Variants in KNDC1 observed in about 807,000 individuals in gnomAD.
KNDC1 encodes the protein kinase non-catalytic C-lobe domain-containing protein 1.
Under a neutral mutation model 172.8 loss-of-function variants are expected in KNDC1, and 106 were observed. The ratio of observed to expected loss-of-function variants is 0.61; its 90% CI spans 0.52 to 0.72. The LOEUF is 0.72. Among genes scored for constraint, KNDC1 ranks in the 30% least tolerant of loss-of-function variants. The pLI, the probability that KNDC1 is intolerant of heterozygous loss-of-function variation, is 0.00. For missense variants in KNDC1, 2,325 were observed against 2,394.5 expected (o/e 0.97, Z 0.61); for synonymous variants, 1,083 against 1,062.2 (o/e 1.02, Z -0.38).
rs1438141626 is a variant in KNDC1 at position 133,211,815 on chromosome 10, A to G, written c.4193A>G (p.Asn1398Ser). The G allele has an allele frequency of 5.6e-6, 9 of 1,609,822 alleles. No individual in the cohort carries two copies. Among genetic ancestry groups the G allele is most frequent in the Non-Finnish European group, 7.6e-6 (9 of 1,179,110 alleles). The change falls in exon 23 of 30, where the codon AAC (asparagine) becomes AGC (serine). Residue 1398 changes from asparagine (N) to serine (S), a missense_variant. Asn to Ser is a conservative substitution (Grantham distance 46, BLOSUM62 1). Coordinates refer to ENST00000304613, the MANE Select transcript of KNDC1 (RefSeq NM_152643.8). Reference protein sequence around the residue: ...REAEEDARPFNALCKRLSEDG... With the variant: ...REAEEDARPFSALCKRLSEDG... ...GCCGAGGAGGATGCCAGACCCTTCA[A>G]CGCCCTCTGTAAGAGGCTCTCAGAG...
chr10:133,186,184 C>T lies in KNDC1; in HGVS notation c.836C>T (p.Ala279Val). 3 of 1,571,254 alleles carry T rather than the reference C, an allele frequency of 1.9e-6. No individual in the cohort carries two copies. Among genetic ancestry groups the T allele is most frequent in the Non-Finnish European group, 8.6e-7 (1 of 1,158,738 alleles). The change falls in exon 6 of 30, where the codon GCC becomes GTC. Residue 279 changes from alanine to valine, a missense_variant. Physicochemically the swap from Ala to Val is moderately conservative, Grantham distance 64. Coordinates refer to ENST00000304613, the MANE Select transcript of KNDC1 (RefSeq NM_152643.8). The part of the protein sequence containing the change: ...NGESHSREGL[A>V]GLVLDAERTL... ...GAGAGCCACAGCCGGGAGGGGCTGG[C>T]CGGCCTCGTCCTGGATGCCGAGCGC...
At chr10:133,210,915 G>T (rs1030908263) in intron 21 of KNDC1, among the ~76,000 whole-genome samples, 191 bp downstream of exon 21, 1 of 152,204 alleles carries the variant, frequency 6.6e-6, no homozygotes, top group African/African-American at 2.4e-5. Flanking sequence ...AAAGCAGCTG[G>T]GGCAGGAGGG....
At chr10:133,176,197 TG>T (rs1029617685) in intron 3 of KNDC1, among the ~76,000 whole-genome samples, 3 of 150,428 alleles carry the variant, frequency 2.0e-5, no homozygotes, top group African/African-American at 7.3e-5. Context: ...GGTGGGTGGA[TG>T]TGTGGAGGAT....
At position 133,185,694 on chromosome 10, in the gene KNDC1, A is replaced by AGTGG. The variant is rs1354713436; in HGVS notation, c.626-279_626-278insTGGG. 1.1e-3 allele frequency among the ~76,000 whole-genome samples: 168 copies of AGTGG among 151,102 alleles called. 1 individual carries two copies. Among genetic ancestry groups the AGTGG allele is most frequent in the Non-Finnish European group, 2.0e-3 (135 of 67,788 alleles). ...GGTCCAGGCTCCCATAGGAAGCCCC[A>AGTGG]GAGGGAAGCCCCGCCTGGCCTGGGG... On this transcript the variant is annotated intron_variant, in intron 5 of 29. Coordinates refer to ENST00000304613, the MANE Select transcript of KNDC1 (RefSeq NM_152643.8).
rs187439248 is a variant in KNDC1, at chr10:133,177,834, C to T, written c.361-5510C>T. Among the ~76,000 whole-genome samples, 48 of 149,448 alleles carry T rather than the reference C, an allele frequency of 3.2e-4. No homozygotes were observed. In the South Asian group the frequency reaches 3.6e-3, roughly 11 times the overall value. ...GTGCATGTTTGTGGTGTAATGTGTGCGTGCATGCATGTAGTGTGTTGTCAT... is the reference window on the plus strand; with the variant it reads ...GTGCATGTTTGTGGTGTAATGTGTGTGTGCATGCATGTAGTGTGTTGTCAT... On this transcript the variant is annotated intron_variant, in intron 3 of 29. Transcript: ENST00000304613.
intron 2 of KNDC1, 102 bp from the exon 3 acceptor site, chr10:133,168,152 G>GGGAACCT: frequency 9.9e-7 from 1 of 1,013,232 alleles, no homozygotes; most frequent in Non-Finnish European, 1.6e-6. Context: ...TCTGCGGGGA[G>GGGAACCT]GGAACCTGGG....
At chr10:133,184,122 C>A (rs551340116) in intron 5 of KNDC1, 133 bp downstream of exon 5, 60 of 507,822 alleles carry the variant, frequency 1.2e-4, no homozygotes, top group African/African-American at 1.1e-3. Context: ...GCACACACAC[C>A]CATGCACACA....
intron 2 of KNDC1, 88 bp downstream of exon 2, chr10:133,167,667 G>A: frequency 1.2e-5 from 16 of 1,380,522 alleles, no homozygotes; most frequent in Non-Finnish European, 1.5e-5. Context: ...CTCTGCCGGA[G>A]CAGATGCTGG....
intron 3 of KNDC1, among the ~76,000 whole-genome samples, chr10:133,174,471 G>C (rs1853468760): frequency 6.6e-6 from 1 of 152,144 alleles, no homozygotes; most frequent in South Asian, 2.1e-4. Context: ...GATACCACCG[G>C]GTGTGTATCA....
chr10:133,185,032 G>A lies in KNDC1; in HGVS notation c.626-942G>A, dbSNP rs553450020. Among the ~76,000 whole-genome samples the A allele has an allele frequency of 2.0e-4, 31 of 152,414 alleles. No individual in the cohort carries two copies. In the South Asian group the frequency reaches 2.3e-3, roughly 11 times the overall value. ...GCATTGGCATCGCTACCTGCAGCAC[G>A]GAGCCCCGTGGGGCCTCAGGACGGT... On this transcript the variant is annotated intron_variant, in intron 5 of 29. Transcript: ENST00000304613.
chr10:133,222,303 G>T (rs1845613797), intron 29 of KNDC1, among the ~76,000 whole-genome samples: 2 of 150,354 alleles, frequency 1.3e-5, no homozygotes, highest in South Asian at 4.2e-4. Flanking sequence ...AAAAACTTAA[G>T]GTGATGCTCA....
chr10:133,166,593 CTG>C (rs778115571), intron 1 of KNDC1, among the ~76,000 whole-genome samples: 13 of 152,188 alleles, frequency 8.5e-5, no homozygotes, highest in African/African-American at 1.4e-4. Flanking sequence ...GCGGATGGAA[CTG>C]TGAGTGTGCA....
At position 133,183,510 on chromosome 10, in the gene KNDC1, G is replaced by A; in HGVS notation, c.507+20G>A. Reference sequence around the variant, plus strand: ...CTTGAGGTAAGCGAGGCTGCCCTGGGCCACCCCAGGCTGTGACCCTGACCC... The same window carrying A: ...CTTGAGGTAAGCGAGGCTGCCCTGGACCACCCCAGGCTGTGACCCTGACCC... On this transcript the variant is annotated intron_variant, in intron 4 of 29. Transcript: ENST00000304613. 2.5e-6 allele frequency: 4 copies of A among 1,585,908 alleles called. No individual in the cohort carries two copies. In the South Asian group the frequency reaches 3.4e-5, roughly 14 times the overall value.
rs544167194 is a variant in KNDC1 at position 133,202,644 on chromosome 10, G to A, written c.3387+746G>A. On this transcript the variant is annotated intron_variant, in intron 17 of 29. Transcript: ENST00000304613. ...AAGCCTCCCCCAGCCTCTGGGCATCGGAGCCCTTCCTGGGGCTCCTCCTTG... is the reference window on the plus strand; with the variant it reads ...AAGCCTCCCCCAGCCTCTGGGCATCAGAGCCCTTCCTGGGGCTCCTCCTTG... 8.2e-4 allele frequency: 374 copies of A among 456,710 alleles called. 1 individual carries two copies. The highest frequency in any genetic ancestry group is 4.6e-3 in the African/African-American group (229 of 50,202). The allele number at this position is 456,710 out of a possible 1,614,324, so 28.3% of individuals were successfully genotyped here.
At chr10:133,184,081 C>T (rs1275150373) in intron 5 of KNDC1, 92 bp downstream of exon 5, 8 of 602,346 alleles carry the variant, frequency 1.3e-5, no homozygotes, top group Non-Finnish European at 2.3e-5. Context: ...CACACCCATG[C>T]ACACACACAC....
At chr10:133,222,247 C>T (rs1436815336) in intron 29 of KNDC1, among the ~76,000 whole-genome samples, 2 of 146,774 alleles carry the variant, frequency 1.4e-5, no homozygotes, top group African/African-American at 5.0e-5. Context: ...CGCGCCACCG[C>T]ACTCCAGCCT....
At chr10:133,222,257 T>C (rs1430187689) in intron 29 of KNDC1, among the ~76,000 whole-genome samples, 4 of 137,606 alleles carry the variant, frequency 2.9e-5, no homozygotes, top group African/African-American at 1.1e-4. Context: ...CACTCCAGCC[T>C]GGGCGATAGA....
chr10:133,177,652 G>A (rs949524180), intron 3 of KNDC1, among the ~76,000 whole-genome samples: 10 of 152,012 alleles, frequency 6.6e-5, no homozygotes, highest in Admixed American at 5.2e-4. Flanking sequence ...GTTGCATGAT[G>A]TGTACATGCA....
chr10:133,190,717 G>A (rs1854053358), intron 9 of KNDC1, among the ~76,000 whole-genome samples: 1 of 152,222 alleles, frequency 6.6e-6, no homozygotes, highest in African/African-American at 2.4e-5. Context: ...AGCCTGTAAC[G>A]AAAAGAGGCT....
Sources: gnomAD v4.1 joint callset for allele counts (sites outside exome capture counted in the v4.1 genomes callset) on GRCh38, gnomAD v4.1.1 for gene constraint, MANE v1.5 for transcripts, NCBI Gene and HGNC (gene_info 2026-07-23, HGNC 2026-07-21) for gene names.